STXBP5L: variants seen among roughly 807,000 people sequenced by gnomAD.
STXBP5L encodes the protein syntaxin binding protein 5L, also known as syntaxin-binding protein 5-like.
In STXBP5L, 65 loss-of-function variants were observed where a neutral mutation model predicts 144.5. The ratio of observed to expected loss-of-function variants is 0.45; its 90% CI spans 0.37 to 0.55. The LOEUF is 0.55. Among genes scored for constraint, STXBP5L ranks in the 20% least tolerant of loss-of-function variants. The pLI is 0.00. For synonymous variants in STXBP5L, 505 were observed against 469.6 expected, an observed-to-expected ratio of 1.08 and a Z score of -0.97; for missense variants, 1,298 against 1,405.5, an observed-to-expected ratio of 0.92 and a Z score of 1.22.
At position 121,413,234 on chromosome 3, in the gene STXBP5L, T is replaced by G. The variant is rs746907099; in HGVS notation, c.3025T>G (p.Phe1009Val). 6.2e-7 allele frequency: 1 copy of G among 1,610,770 alleles called. No individual in the cohort carries two copies. Among genetic ancestry groups the G allele is most frequent in the Non-Finnish European group, 8.5e-7 (1 of 1,179,044 alleles). Residue 1009 changes from phenylalanine to valine, a missense_variant, in exon 24 of 27, where the codon TTT (phenylalanine) becomes GTT (valine). By Grantham distance (50) the Phe-to-Val change is conservative. Coordinates refer to ENST00000471454, the MANE Select transcript of STXBP5L (RefSeq NM_001308330.2). ...TDMRIARTFC[F>V]TNEGQALYLV... ...CATGAGGATAGCACGAACATTTTGT[T>G]TTACCAATGAAGGACAGGCATTATA...
chr3:121,050,174 C>T (rs548539462), intron 5 of STXBP5L, among the ~76,000 whole-genome samples: 1 of 152,280 alleles, frequency 6.6e-6, no homozygotes, highest in South Asian at 2.1e-4. Flanking sequence ...ACCACTGTTT[C>T]TTCTCTCCAT....
intron 22 of STXBP5L, among the ~76,000 whole-genome samples, chr3:121,404,591 C>T (rs1211001042): frequency 6.6e-6 from 1 of 152,132 alleles, no homozygotes; most frequent in East Asian, 1.9e-4. Context: ...TCTCTCTGAT[C>T]TTACCTCCTA....
At chr3:120,945,567 T>C (rs1710804051) in intron 2 of STXBP5L, among the ~76,000 whole-genome samples, 2 of 151,908 alleles carry the variant, frequency 1.3e-5, no homozygotes, top group South Asian at 4.1e-4. Context: ...TATGTCCAAA[T>C]ATGTTGAATT....
At chr3:121,271,890 A>G (rs1005036032) in intron 18 of STXBP5L, among the ~76,000 whole-genome samples, 9 of 152,206 alleles carry the variant, frequency 5.9e-5, no homozygotes, top group Non-Finnish European at 1.2e-4. Context: ...TCATGGTGGA[A>G]GGTGAAGGGG....
intron 9 of STXBP5L, among the ~76,000 whole-genome samples, chr3:121,159,253 T>A (rs1265870262): frequency 6.6e-6 from 1 of 152,064 alleles, no homozygotes; most frequent in East Asian, 1.9e-4. Flanking sequence ...TTTCTATAAT[T>A]CCTATTATAA....
At chr3:121,238,828 C>T in intron 12 of STXBP5L, 143 bp from the exon 13 acceptor site, 3 of 761,298 alleles carry the variant, frequency 3.9e-6, no homozygotes, top group Non-Finnish European at 5.6e-6. Context: ...CATTTTTGTT[C>T]ATACAATTCT....
chr3:121,022,525 A>G (rs1945633696), intron 3 of STXBP5L, among the ~76,000 whole-genome samples: 1 of 152,190 alleles, frequency 6.6e-6, no homozygotes, highest in Non-Finnish European at 1.5e-5. Context: ...ATACTAGCTA[A>G]CCGAATCCAA....
chr3:121,231,710 G>A (rs955620482), intron 11 of STXBP5L, among the ~76,000 whole-genome samples: 1 of 152,160 alleles, frequency 6.6e-6, no homozygotes, highest in Non-Finnish European at 1.5e-5. Context: ...ATCACCCAAT[G>A]GGTTGGGTAT....
chr3:121,338,358 G>T (rs1232426163), intron 20 of STXBP5L, among the ~76,000 whole-genome samples: 3 of 151,934 alleles, frequency 2.0e-5, no homozygotes, highest in African/African-American at 7.2e-5. Flanking sequence ...AAATGAAAAT[G>T]GATGGCCAGG....
intron 3 of STXBP5L, among the ~76,000 whole-genome samples, chr3:121,036,162 A>G (rs1443198605): frequency 1.3e-5 from 2 of 151,978 alleles, no homozygotes; most frequent in African/African-American, 4.8e-5. Context: ...GTGAAATCCC[A>G]TCTCTACTAA....
At chr3:121,012,139 C>G (rs759775434) in intron 3 of STXBP5L, among the ~76,000 whole-genome samples, 4 of 151,604 alleles carry the variant, frequency 2.6e-5, no homozygotes, top group African/African-American at 2.4e-5. Flanking sequence ...TGTATCAATA[C>G]TTGATTTTTT....
chr3:121,070,563 C>A (rs945334286), intron 5 of STXBP5L, among the ~76,000 whole-genome samples: 1 of 151,972 alleles, frequency 6.6e-6, no homozygotes, highest in Non-Finnish European at 1.5e-5. Context: ...GTGCTCGACA[C>A]AAATGTAGAT....
At chr3:121,114,869 T>A in intron 5 of STXBP5L, 56 bp from the exon 6 acceptor site, 1 of 1,261,814 alleles carries the variant, frequency 7.9e-7, no homozygotes, top group Non-Finnish European at 1.1e-6. Context: ...AAGGAAAATA[T>A]AATGCTGACC....
chr3:120,962,760 G>A (rs898307017), intron 3 of STXBP5L, among the ~76,000 whole-genome samples: 29 of 152,258 alleles, frequency 1.9e-4, no homozygotes, highest in Middle Eastern at 3.4e-3. Context: ...GGCAATGCAG[G>A]CCCTTTTTTG....
chr3:120,978,995 G>A (rs1487251796), intron 3 of STXBP5L, among the ~76,000 whole-genome samples: 1 of 152,156 alleles, frequency 6.6e-6, no homozygotes, highest in African/African-American at 2.4e-5. Flanking sequence ...GGGGTCAGGG[G>A]TCAGGGACCC....
At chr3:120,993,246 C>G (rs1199365545) in intron 3 of STXBP5L, among the ~76,000 whole-genome samples, 1 of 152,104 alleles carries the variant, frequency 6.6e-6, no homozygotes, top group Non-Finnish European at 1.5e-5. Flanking sequence ...AATATGTTCT[C>G]TTATTGAACA....
chr3:121,333,757 G>A lies in STXBP5L; in HGVS notation c.2176+15217G>A, dbSNP rs186249544. Among the ~76,000 whole-genome samples, 407 of 152,236 alleles carry A rather than the reference G, an allele frequency of 2.7e-3. 6 individuals carry two copies. Among genetic ancestry groups the A allele is most frequent in the South Asian group, 0.021 (101 of 4,824 alleles). On this transcript the variant is annotated intron_variant, in intron 20 of 26. Transcript: ENST00000471454. Reference sequence around the variant, plus strand: ...ACTACTATAAACACCTCTATGCACAGAAATTACAAAACCTAGAAGAGATGG... The same window carrying A: ...ACTACTATAAACACCTCTATGCACAAAAATTACAAAACCTAGAAGAGATGG...
chr3:121,005,084 T>A (rs1000484763), intron 3 of STXBP5L, among the ~76,000 whole-genome samples: 1 of 152,204 alleles, frequency 6.6e-6, no homozygotes, highest in East Asian at 1.9e-4. Flanking sequence ...TTAGGGAGGA[T>A]TCCCTCTATT....
intron 9 of STXBP5L, among the ~76,000 whole-genome samples, chr3:121,172,678 A>C (rs1214576066): frequency 6.6e-6 from 1 of 152,216 alleles, no homozygotes; most frequent in Non-Finnish European, 1.5e-5. Context: ...AAGTCAGGAA[A>C]CAACAGATGC....
Sources: allele counts gnomAD v4.1 joint callset (sites outside exome capture counted in the v4.1 genomes callset), GRCh38; gene constraint gnomAD v4.1.1; transcripts MANE v1.5; gene names NCBI Gene and HGNC (gene_info 2026-07-23, HGNC 2026-07-21).